PGS1: variants seen among roughly 807,000 people sequenced by gnomAD.
PGS1 encodes phosphatidylglycerophosphate synthase 1, also known as CDP-diacylglycerol--glycerol-3-phosphate 3-phosphatidyltransferase, mitochondrial.
In PGS1, 44 loss-of-function variants were observed where a neutral mutation model predicts 58.3. That is an observed-to-expected ratio of 0.75 (90% CI 0.59 to 0.97). The LOEUF (loss-of-function observed/expected upper bound fraction) is 0.97, where lower values mean the gene tolerates loss of function less well. Among genes scored for constraint, PGS1 ranks in the 50% least tolerant of loss-of-function variants. PGS1 has a pLI of 0.00. For missense variants in PGS1, 684 were observed against 731.1 expected (o/e 0.94, Z 0.74); for synonymous variants, 330 against 311.0 (o/e 1.06, Z -0.64).
At chr17:78,423,510 G>C (rs532042197) in intron 9 of PGS1, among the ~76,000 whole-genome samples, 1 of 152,182 alleles carries the variant, frequency 6.6e-6, no homozygotes, top group Non-Finnish European at 1.5e-5. Flanking sequence ...CAGAGGGTGT[G>C]AGTGCCAAGC....
rs368599157 is a variant in PGS1 at position 78,414,923 on chromosome 17, C to G, written c.1447C>G (p.Leu483Val). The change falls in exon 8 of 10, where the codon CTG becomes GTG. Residue 483 changes from leucine to valine, a missense_variant. Coordinates refer to ENST00000262764, the MANE Select transcript of PGS1 (RefSeq NM_024419.5). ...AGGGAGCAGCCTGCCCTGTCTCACG[C>G]TGATTGGCTCTCCTAATTTTGGGTA... ...LAGSSLPCLT[L>V]IGSPNFGYRS... 6.2e-7 allele frequency: 1 copy of G among 1,614,046 alleles called. No individual in the cohort carries two copies.
chr17:78,399,605 A>G, intron 5 of PGS1, 68 bp downstream of exon 5: 1 of 1,500,534 alleles, frequency 6.7e-7, no homozygotes, highest in Non-Finnish European at 9.2e-7. Flanking sequence ...TGGAATAGGA[A>G]CAGTGGGAAA....
At chr17:78,396,727 A>C (rs187026811) in intron 3 of PGS1, among the ~76,000 whole-genome samples, 2 of 152,352 alleles carry the variant, frequency 1.3e-5, no homozygotes, top group Admixed American at 1.3e-4. Context: ...ACTGTGAGCT[A>C]AGAAAGAATG....
chr17:78,381,302 C>G (rs140837523), intron 1 of PGS1, among the ~76,000 whole-genome samples: 70 of 152,284 alleles, frequency 4.6e-4, no homozygotes, highest in African/African-American at 1.5e-3. Flanking sequence ...TCTGGGACAA[C>G]AGTTCAACCA....
At chr17:78,379,652 C>T (rs2081894428) in intron 1 of PGS1, among the ~76,000 whole-genome samples, 2 of 151,688 alleles carry the variant, frequency 1.3e-5, no homozygotes, top group Admixed American at 1.3e-4. Flanking sequence ...ATGGTGAAAC[C>T]GTCTCTACTA....
intron 8 of PGS1, among the ~76,000 whole-genome samples, chr17:78,418,322 T>G (rs566968050): frequency 2.0e-5 from 3 of 152,190 alleles, no homozygotes. Context: ...ACTAACCCTT[T>G]CTGTAGGGAA....
At position 78,386,522 on chromosome 17, in the gene PGS1, G is replaced by T. The variant is rs992902352; in HGVS notation, c.144-5954G>T. On this transcript the variant is annotated intron_variant, in intron 1 of 9. Transcript: ENST00000262764. Reference sequence around the variant, plus strand: ...GTCTAGAAAGAGATGATTCAGGGGAGCCCAGGTCTTGATGTGGAAATTGTG... The same window carrying T: ...GTCTAGAAAGAGATGATTCAGGGGATCCCAGGTCTTGATGTGGAAATTGTG... Among the ~76,000 whole-genome samples the T allele has an allele frequency of 1.3e-5, 2 of 152,198 alleles. 1 individual carries two copies. Among genetic ancestry groups the T allele is most frequent in the South Asian group, 4.1e-4 (2 of 4,832 alleles).
chr17:78,401,501 G>C (rs540829767), intron 6 of PGS1, among the ~76,000 whole-genome samples: 1 of 152,350 alleles, frequency 6.6e-6, no homozygotes, highest in South Asian at 2.1e-4. Flanking sequence ...TGTGATTCCT[G>C]CGGCTGTGGC....
rs565036902 is a variant in PGS1 at position 78,395,846 on chromosome 17, C to G, written c.334-462C>G. Among the ~76,000 whole-genome samples, 25 of 152,340 alleles carry G rather than the reference C, an allele frequency of 1.6e-4. No individual in the cohort carries two copies. The South Asian group carries it at 3.1e-3, about 19-fold the overall frequency. On this transcript the variant is annotated intron_variant, in intron 2 of 9. Coordinates refer to ENST00000262764, the MANE Select transcript of PGS1 (RefSeq NM_024419.5). Reference sequence around the variant, plus strand: ...CTCTGCCTCCTGGGTTCAAGTGACTCTTCTGCCTCAGCCTCCCAGGTAGCT... The same window carrying G: ...CTCTGCCTCCTGGGTTCAAGTGACTGTTCTGCCTCAGCCTCCCAGGTAGCT...
chr17:78,410,693 T>C (rs953837023), intron 7 of PGS1, among the ~76,000 whole-genome samples: 9 of 152,000 alleles, frequency 5.9e-5, no homozygotes, highest in South Asian at 2.1e-4. Context: ...AGGCTGGTTT[T>C]GAACTCCTGA....
At chr17:78,410,552 C>T (rs1354421765) in intron 7 of PGS1, among the ~76,000 whole-genome samples, 14 of 143,012 alleles carry the variant, frequency 9.8e-5, no homozygotes, top group Non-Finnish European at 1.8e-4. Flanking sequence ...TGGCTCACTG[C>T]AACCTCCGCC....
rs1216566869 is a variant in PGS1 at position 78,396,462 on chromosome 17, G to A, written c.411+77G>A. On this transcript the variant is annotated intron_variant, in intron 3 of 9. Coordinates refer to ENST00000262764, the MANE Select transcript of PGS1 (RefSeq NM_024419.5). ...ATGCCACAGCTTTTTGTGCCATGCA[G>A]TTGGTGTGGAGCTGCCTTTCCTTGG... The A allele has an allele frequency of 2.8e-6, 3 of 1,066,606 alleles. No individual in the cohort carries two copies. The African/African-American group carries it at 4.8e-5, about 17-fold the overall frequency. The allele number at this position is 1,066,606 out of a possible 1,614,324, so 66.1% of individuals were successfully genotyped here. A position where few individuals can be genotyped will look rare whatever the true frequency, so the allele number is the denominator to read the frequency against.
At chr17:78,422,883 G>A (rs115597428) in intron 9 of PGS1, among the ~76,000 whole-genome samples, 2,152 of 152,176 alleles carry the variant, frequency 0.014, 47 homozygotes, top group African/African-American at 0.046. Context: ...ATCACCTGAG[G>A]TTAGAAGTTT....
chr17:78,392,386 C>T, intron 1 of PGS1, 90 bp from the exon 2 acceptor site: 1 of 869,660 alleles, frequency 1.1e-6, no homozygotes, highest in East Asian at 2.7e-5. Context: ...ATCTCCCAGC[C>T]CCTCTTCACT....
At chr17:78,417,719 G>A (rs933861889) in intron 8 of PGS1, among the ~76,000 whole-genome samples, 2 of 151,916 alleles carry the variant, frequency 1.3e-5, no homozygotes, top group African/African-American at 2.4e-5. Context: ...TGGTCCTCAC[G>A]GCGGTGTGGA....
chr17:78,404,211 A>C, intron 7 of PGS1, 122 bp downstream of exon 7: 1 of 1,093,540 alleles, frequency 9.1e-7, no homozygotes, highest in East Asian at 2.6e-5. Context: ...CCTTCCCAGC[A>C]GCCCTTGCAG....
In PGS1 at chr17:78,398,499, T is replaced by C. The variant is rs2083415825; in HGVS notation, c.511+148T>C. On this transcript the variant is annotated intron_variant, in intron 4 of 9. Coordinates refer to ENST00000262764, the MANE Select transcript of PGS1 (RefSeq NM_024419.5). Reference sequence around the variant, plus strand: ...GCCCAGGGCTGCCTGATTGTGTGAGTTAGGATTTTTTTCTTCAGCAAGTGA... The same window carrying C: ...GCCCAGGGCTGCCTGATTGTGTGAGCTAGGATTTTTTTCTTCAGCAAGTGA... 14 of 638,672 alleles carry C rather than the reference T, an allele frequency of 2.2e-5. No homozygotes were observed. In the South Asian group the frequency reaches 2.6e-4, roughly 12 times the overall value. The allele number at this position is 638,672 out of a possible 1,614,324, so 39.6% of individuals were successfully genotyped here.
chr17:78,392,388 C>G (rs2082896113), intron 1 of PGS1, 88 bp from the exon 2 acceptor site: 1 of 915,290 alleles, frequency 1.1e-6, no homozygotes, highest in Non-Finnish European at 1.7e-6. Context: ...CTCCCAGCCC[C>G]TCTTCACTCC....
At chr17:78,393,092 G>C (rs1298127414) in intron 2 of PGS1, among the ~76,000 whole-genome samples, 1 of 143,204 alleles carries the variant, frequency 7.0e-6, no homozygotes. Flanking sequence ...ATGGAGTCTC[G>C]CTCTGTCACC....
Sources: allele counts gnomAD v4.1 joint callset (sites outside exome capture counted in the v4.1 genomes callset), GRCh38; gene constraint gnomAD v4.1.1; transcripts MANE v1.5; gene names NCBI Gene and HGNC (gene_info 2026-07-23, HGNC 2026-07-21).